Variants in FBXW10B observed in about 807,000 individuals in gnomAD.
FBXW10B encodes F-box and WD repeat domain containing 10B, also known as F-box and WD repeat domain containing protein 10B.
chr17:15,579,865 C>T, the FBXW10B span, among the ~76,000 whole-genome samples: 5 of 152,024 alleles, frequency 3.3e-5, no homozygotes, highest in South Asian at 6.2e-4. Flanking sequence ...ATTATACTTT[C>T]GTAGAGCTAT....
chr17:15,594,538 A>G, the FBXW10B span: 2 of 686,946 alleles, frequency 2.9e-6, no homozygotes, highest in African/African-American at 1.8e-5. Flanking sequence ...CACAAGAAAA[A>G]CAAGGGAGAG....
At chr17:15,599,884 C>G in the FBXW10B span, among the ~76,000 whole-genome samples, 2 of 151,912 alleles carry the variant, frequency 1.3e-5, no homozygotes, top group Admixed American at 1.3e-4. Flanking sequence ...ACTGAACTAC[C>G]ACTTACCTCA....
At chr17:15,615,925 C>T in the FBXW10B span, 1 of 1,442,510 alleles carries the variant, frequency 6.9e-7, no homozygotes, top group South Asian at 1.5e-5. Flanking sequence ...ACAGAATGGA[C>T]CAGAGCAGTT....
At chr17:15,611,148 C>G in the FBXW10B span, among the ~76,000 whole-genome samples, 1 of 151,776 alleles carries the variant, frequency 6.6e-6, no homozygotes, top group East Asian at 1.9e-4. Context: ...CTCAGCCTCC[C>G]GAGTAGATGG....
chr17:15,587,348 T>C, the FBXW10B span, among the ~76,000 whole-genome samples: 1 of 151,658 alleles, frequency 6.6e-6, no homozygotes, highest in South Asian at 2.1e-4. Context: ...CTGTAATTTA[T>C]AGTTCTTCTG....
the FBXW10B span, chr17:15,619,195 C>A: frequency 6.2e-7 from 1 of 1,613,992 alleles, no homozygotes; most frequent in Non-Finnish European, 8.5e-7. Context: ...ACATTTGGTT[C>A]AAGGAGGACT....
At chr17:15,616,824 AAAAAAAAAAAG>A in the FBXW10B span, among the ~76,000 whole-genome samples, 1 of 149,488 alleles carries the variant, frequency 6.7e-6, no homozygotes, top group African/African-American at 2.5e-5. Flanking sequence ...AAAAAAAAAA[AAAAAAAAAAAG>A]AAGAAGGTTG....
the FBXW10B span, among the ~76,000 whole-genome samples, chr17:15,586,901 C>T: frequency 6.6e-6 from 1 of 151,448 alleles, no homozygotes; most frequent in South Asian, 2.1e-4. Flanking sequence ...ATGAAGACAG[C>T]CTCTTCTGAA....
At chr17:15,569,322 A>G in the FBXW10B span, among the ~76,000 whole-genome samples, 1 of 152,054 alleles carries the variant, frequency 6.6e-6, no homozygotes, top group African/African-American at 2.4e-5. Flanking sequence ...TGATAACAAT[A>G]GCTCTTCTGA....
the FBXW10B span, among the ~76,000 whole-genome samples, chr17:15,610,110 C>T: frequency 6.6e-6 from 1 of 152,090 alleles, no homozygotes; most frequent in Non-Finnish European, 1.5e-5. Flanking sequence ...GATCCACCTG[C>T]CTCAGCCTCC....
At chr17:15,594,354 C>G in the FBXW10B span, among the ~76,000 whole-genome samples, 1 of 151,324 alleles carries the variant, frequency 6.6e-6, no homozygotes, top group Admixed American at 6.6e-5. Context: ...CGCCTGTAGT[C>G]CCAGCTACTC....
At chr17:15,568,934 A>C in the FBXW10B span, 4 of 1,231,648 alleles carry the variant, frequency 3.2e-6, no homozygotes, top group Non-Finnish European at 4.0e-6. Context: ...TGCGTGGGTT[A>C]TTACAGCACA....
chr17:15,599,109 A>C, the FBXW10B span, among the ~76,000 whole-genome samples: 2 of 144,508 alleles, frequency 1.4e-5, no homozygotes, highest in African/African-American at 5.2e-5. Flanking sequence ...CGGCAGGCAG[A>C]GGTTGCAGCG....
chr17:15,609,989 T>C, the FBXW10B span, among the ~76,000 whole-genome samples: 9 of 149,802 alleles, frequency 6.0e-5, no homozygotes, highest in African/African-American at 2.0e-4. Context: ...GCCTCCCGGG[T>C]AGCTGGGATT....
the FBXW10B span, chr17:15,571,860 G>A: frequency 6.6e-6 from 1 of 151,418 alleles, no homozygotes; most frequent in Non-Finnish European, 1.5e-5. Context: ...TTAAGTGAAA[G>A]AAGACAGAGA....
At chr17:15,565,661 C>T in the FBXW10B span, 56 of 1,614,144 alleles carry the variant, frequency 3.5e-5, 1 homozygote, top group Non-Finnish European at 4.7e-5. Context: ...TCAACCACTC[C>T]AGTGGACTCC....
At chr17:15,575,380 T>A in the FBXW10B span, among the ~76,000 whole-genome samples, 1 of 144,928 alleles carries the variant, frequency 6.9e-6, no homozygotes, top group Admixed American at 6.6e-5. Flanking sequence ...TTCCTTCTCT[T>A]CTGACTTCAT....
the FBXW10B span, chr17:15,615,600 A>G: frequency 1.9e-6 from 3 of 1,611,574 alleles, no homozygotes; most frequent in African/African-American, 4.0e-5. Flanking sequence ...GGCGTGAGCC[A>G]CCGCACCTAG....
At chr17:15,604,547 T>A in the FBXW10B span, among the ~76,000 whole-genome samples, 1 of 152,124 alleles carries the variant, frequency 6.6e-6, no homozygotes, top group Non-Finnish European at 1.5e-5. Context: ...GTTTTTGGGT[T>A]TTTTTGAGAT....
Sources: allele counts gnomAD v4.1 joint callset (sites outside exome capture counted in the v4.1 genomes callset), GRCh38; gene constraint gnomAD v4.1.1; transcripts MANE v1.5; gene names NCBI Gene and HGNC (gene_info 2026-07-23, HGNC 2026-07-21).